LIPJ: variants seen among roughly 807,000 people sequenced by gnomAD.
The protein encoded by LIPJ is lipase member J.
LIPJ carries 33 observed loss-of-function variants against 39.8 expected under a neutral mutation model. The ratio of observed to expected loss-of-function variants is 0.83; its 90% CI spans 0.63 to 1.11. LIPJ has a LOEUF of 1.11. Among genes scored for constraint, LIPJ ranks in the 50% least tolerant of loss-of-function variants. The probability of loss-of-function intolerance (pLI) is 0.00; values close to 1 mark genes in which losing one functional copy is unlikely to be tolerated. For synonymous variants in LIPJ, 128 were observed against 139.2 expected (o/e 0.92, Z 0.57); for missense variants, 422 against 427.9 (o/e 0.99, Z 0.12).
At chr10:88,583,139 C>T, upstream of LIPJ, 3 of 1,614,102 alleles carry the variant, frequency 1.9e-6, no homozygotes, top group East Asian at 2.2e-5. Context: ...CTCAGCAGCG[C>T]AGCGCACAAG....
chr10:88,621,098 T>TA, the LIPJ span, among the ~76,000 whole-genome samples: 1 of 152,180 alleles, frequency 6.6e-6, no homozygotes, highest in African/African-American at 2.4e-5. Flanking sequence ...GGCTTCAACT[T>TA]ATGAATTTTT....
In LIPJ at chr10:88,594,135, G is replaced by A. The variant is rs762542212; in HGVS notation, c.320G>A (p.Trp107Ter). 5.6e-6 allele frequency: 9 copies of A among 1,607,360 alleles called. No individual in the cohort carries two copies. The highest frequency in any genetic ancestry group is 7.7e-6 in the Non-Finnish European group (9 of 1,176,256). Reference sequence around the variant, plus strand: ...CTAGAAACGAGTTCCAAAGAATTCTGGGCTTTCAGGTACAAATAAAATGAA... The same window carrying A: ...CTAGAAACGAGTTCCAAAGAATTCTAGGCTTTCAGGTACAAATAAAATGAA... The change falls in exon 5 of 11, where the codon TGG (tryptophan) becomes TAG (stop). Residue 107 changes from tryptophan to a stop codon, truncating the protein, a stop_gained. Coordinates refer to ENST00000371939, the Ensembl canonical transcript of LIPJ. LOFTEE classifies it high-confidence loss of function.
At chr10:88,608,013 G>GA (rs1241514266), downstream of LIPJ, among the ~76,000 whole-genome samples, 1 of 152,170 alleles carries the variant, frequency 6.6e-6, no homozygotes, top group Admixed American at 6.5e-5. Context: ...AGCAGACAGA[G>GA]AAAAATAGAA....
intron 1 of LIPJ, 66 bp from the exon 2 acceptor site, chr10:88,587,200 A>G (rs190210953): frequency 1.6e-4 from 25 of 152,218 alleles, no homozygotes; most frequent in Admixed American, 1.1e-3. Context: ...GGGGCTTGAA[A>G]AAAATAGGAA....
the LIPJ span, among the ~76,000 whole-genome samples, chr10:88,613,800 A>ATATATGTGTG: frequency 0.013 from 978 of 74,022 alleles, 17 homozygotes; most frequent in Non-Finnish European, 0.017. Context: ...ATATATATAT[A>ATATATGTGTG]TGTGTGTGTG....
exon 3 of LIPJ, chr10:88,590,667 T>A (rs1461246576): frequency 1.3e-6 from 2 of 1,581,150 alleles, no homozygotes; most frequent in African/African-American, 2.7e-5. Flanking sequence ...AAATTAAAGA[T>A]CTGTGAAACC....
chr10:88,612,605 A>G, the LIPJ span, among the ~76,000 whole-genome samples: 1 of 152,150 alleles, frequency 6.6e-6, no homozygotes, highest in Non-Finnish European at 1.5e-5. Context: ...AGACAAAACA[A>G]ACTTTAAAGC....
At chr10:88,588,312 A>AATTAAATTAATATTATATTAAATTAAT (rs1403426651) in intron 2 of LIPJ, among the ~76,000 whole-genome samples, 1 of 151,868 alleles carries the variant, frequency 6.6e-6, no homozygotes, top group African/African-American at 2.4e-5. Context: ...GCTCATGTCA[A>AATTAAATTAATATTATATTAAATTAAT]CTTAAAATTA....
In LIPJ at chr10:88,598,998, ATT is replaced by A. The variant is rs1377469376; in HGVS notation, c.723+2063_723+2064del. 1.4e-3 allele frequency among the ~76,000 whole-genome samples: 202 copies of A among 144,630 alleles called. 3 individuals are homozygous for A. Among genetic ancestry groups the A allele is most frequent in the African/African-American group, 4.8e-3 (192 of 40,206 alleles). The allele number at this position is 144,630 out of a possible 152,430, so 94.9% of individuals were successfully genotyped here. ...TTATTACAATAATATAAAATATTAT[ATT>A]ATATTATAATAATATATTATATTAA... On this transcript the variant is annotated intron_variant, in intron 8 of 10. Transcript: ENST00000371939.
At chr10:88,612,766 AG>A in the LIPJ span, among the ~76,000 whole-genome samples, 3 of 152,172 alleles carry the variant, frequency 2.0e-5, no homozygotes, top group African/African-American at 7.2e-5. Flanking sequence ...GAAATGAGAG[AG>A]ATGGCAACAC....
downstream of LIPJ, among the ~76,000 whole-genome samples, chr10:88,610,705 A>G (rs1851738202): frequency 6.6e-6 from 1 of 152,250 alleles, no homozygotes; most frequent in African/African-American, 2.4e-5. Context: ...TCCATGGAGC[A>G]GTACAGAGTT....
At chr10:88,601,076 G>C (rs1224399721) in intron 8 of LIPJ, among the ~76,000 whole-genome samples, 2 of 151,984 alleles carry the variant, frequency 1.3e-5, no homozygotes, top group Admixed American at 1.3e-4. Context: ...AGCCTCCCAA[G>C]TAGCTCAGAC....
At chr10:88,603,695 AAAAGG>A in intron 9 of LIPJ, among the ~76,000 whole-genome samples, 1 of 152,310 alleles carries the variant, frequency 6.6e-6, no homozygotes, top group South Asian at 2.1e-4. Context: ...GTAAGAATTG[AAAAGG>A]CTAATGATTA....
chr10:88,610,614 T>G (rs1851736937), downstream of LIPJ, among the ~76,000 whole-genome samples: 2 of 152,138 alleles, frequency 1.3e-5, no homozygotes, highest in Admixed American at 6.5e-5. Context: ...TTTTATAGAA[T>G]TTACACTACC....
intron 7 of LIPJ, 109 bp downstream of exon 7, chr10:88,596,525 T>A: frequency 2.4e-6 from 3 of 1,262,590 alleles, no homozygotes; most frequent in South Asian, 3.8e-5. Context: ...GGATTGAAAT[T>A]TTTGGTTTCA....
chr10:88,590,519 G>A, intron 2 of LIPJ, 66 bp from the exon 3 acceptor site: 2 of 530,164 alleles, frequency 3.8e-6, no homozygotes, highest in South Asian at 2.1e-5. Context: ...ATTATTGGCT[G>A]CAGTTTTATA....
intron 4 of LIPJ, chr10:88,592,775 G>A (rs1470962218): frequency 6.6e-6 from 1 of 151,786 alleles, no homozygotes; most frequent in African/African-American, 2.4e-5. Context: ...CAACACTAGG[G>A]CCATAACTAG....
At chr10:88,597,580 GCTT>G (rs1481860286) in intron 8 of LIPJ, among the ~76,000 whole-genome samples, 1 of 151,852 alleles carries the variant, frequency 6.6e-6, no homozygotes, top group East Asian at 1.9e-4. Context: ...CCTTTTAAGA[GCTT>G]CTCAAAGAGA....
intron 8 of LIPJ, among the ~76,000 whole-genome samples, chr10:88,599,647 A>G (rs561263353): frequency 6.6e-6 from 1 of 151,616 alleles, no homozygotes; most frequent in African/African-American, 2.4e-5. Flanking sequence ...GTGTGTATGT[A>G]TGTATATATA....
Sources: allele counts gnomAD v4.1 joint callset (sites outside exome capture counted in the v4.1 genomes callset), GRCh38; gene constraint gnomAD v4.1.1; transcripts MANE v1.5; gene names NCBI Gene and HGNC (gene_info 2026-07-23, HGNC 2026-07-21).